The following KIAA1328 variants were observed in gnomAD, a reference collection of about 807,000 sequenced individuals.
KIAA1328 encodes the protein KIAA1328, also known as protein hinderin.
Under a neutral mutation model 68.1 loss-of-function variants are expected in KIAA1328, and 52 were observed. The ratio of observed to expected loss-of-function variants is 0.76; its 90% CI spans 0.61 to 0.96. KIAA1328 has a LOEUF of 0.96. Ranked by LOEUF, KIAA1328 falls within the 40% of genes least tolerant of loss-of-function variation. The pLI, the probability that KIAA1328 is intolerant of heterozygous loss-of-function variation, is 0.00. For synonymous variants in KIAA1328, 232 were observed against 239.4 expected (o/e 0.97, Z 0.28); for missense variants, 641 against 677.6 (o/e 0.95, Z 0.60).
intron 4 of KIAA1328, among the ~76,000 whole-genome samples, chr18:36,876,718 C>G (rs1225493228): frequency 2.6e-5 from 4 of 152,122 alleles, no homozygotes; most frequent in Non-Finnish European, 4.4e-5. Context: ...CTTCAGCTAG[C>G]TTTTGAATTT....
chr18:37,141,981 T>A (rs2058775486), intron 7 of KIAA1328, among the ~76,000 whole-genome samples: 1 of 152,234 alleles, frequency 6.6e-6, no homozygotes, highest in Non-Finnish European at 1.5e-5. Flanking sequence ...TGTGAATATT[T>A]TCTCCCAGTA....
At chr18:36,834,433 A>G (rs531766465) in intron 2 of KIAA1328, 78 bp downstream of exon 2, 15 of 1,260,820 alleles carry the variant, frequency 1.2e-5, no homozygotes, top group African/African-American at 7.6e-5. Context: ...TATTAGAACA[A>G]TGTTGCGGGT....
chr18:37,051,478 C>A (rs1261365774), intron 6 of KIAA1328, among the ~76,000 whole-genome samples: 1 of 151,950 alleles, frequency 6.6e-6, no homozygotes, highest in Non-Finnish European at 1.5e-5. Flanking sequence ...CCTGGAAACC[C>A]ACACCCTCCC....
At chr18:36,998,925 G>A (rs28794232) in intron 6 of KIAA1328, among the ~76,000 whole-genome samples, 29,149 of 152,160 alleles carry the variant, frequency 0.19, 3,557 homozygotes, top group Non-Finnish European at 0.28. Context: ...AGCAGTTGAT[G>A]TTAATCAAAA....
intron 5 of KIAA1328, among the ~76,000 whole-genome samples, chr18:36,949,496 G>T (rs2051052784): frequency 6.6e-6 from 1 of 151,624 alleles, no homozygotes; most frequent in South Asian, 2.1e-4. Flanking sequence ...TAAACCTTGG[G>T]TCTCCATTGT....
intron 9 of KIAA1328, among the ~76,000 whole-genome samples, chr18:37,211,038 T>C (rs1289455401): frequency 1.3e-5 from 2 of 152,250 alleles, no homozygotes; most frequent in Non-Finnish European, 2.9e-5. Flanking sequence ...GATAACAGCA[T>C]AATCATAAAG....
At chr18:37,100,399 A>G (rs1305735603) in intron 7 of KIAA1328, among the ~76,000 whole-genome samples, 4 of 152,202 alleles carry the variant, frequency 2.6e-5, no homozygotes, top group African/African-American at 4.8e-5. Flanking sequence ...GGAGGGTCCT[A>G]TGCCCACAGA....
At chr18:37,134,850 G>C (rs546485667) in intron 7 of KIAA1328, among the ~76,000 whole-genome samples, 51 of 152,184 alleles carry the variant, frequency 3.4e-4, no homozygotes, top group African/African-American at 1.2e-3. Flanking sequence ...CCCTTGCCCT[G>C]TCCCTCACTC....
intron 6 of KIAA1328, among the ~76,000 whole-genome samples, chr18:37,011,975 C>T (rs189903508): frequency 2.5e-4 from 38 of 151,960 alleles, no homozygotes; most frequent in Non-Finnish European, 5.2e-4. Context: ...AAAAAAAGGC[C>T]GCATTTTTAG....
chr18:37,185,499 A>T (rs2059778476), intron 9 of KIAA1328, among the ~76,000 whole-genome samples: 1 of 152,172 alleles, frequency 6.6e-6, no homozygotes, highest in African/African-American at 2.4e-5. Context: ...TGTAGGCTAC[A>T]TGCTTTGCCT....
intron 5 of KIAA1328, among the ~76,000 whole-genome samples, chr18:36,942,827 C>CG (rs1162469653): frequency 1.3e-5 from 2 of 152,120 alleles, no homozygotes; most frequent in Non-Finnish European, 2.9e-5. Context: ...ATTATTGTGA[C>CG]TCTTACTGCT....
intron 6 of KIAA1328, among the ~76,000 whole-genome samples, chr18:37,064,360 T>C (rs1312962962): frequency 6.6e-6 from 1 of 152,212 alleles, no homozygotes; most frequent in Non-Finnish European, 1.5e-5. Context: ...TTGATACTTT[T>C]TACCCATCAG....
chr18:37,174,502 C>T (rs1297831882), intron 9 of KIAA1328, among the ~76,000 whole-genome samples: 3 of 151,348 alleles, frequency 2.0e-5, no homozygotes, highest in Non-Finnish European at 2.9e-5. Context: ...TCTGCCTCAG[C>T]CTCCCAAGTA....
intron 5 of KIAA1328, among the ~76,000 whole-genome samples, chr18:36,941,308 A>G (rs1204186506): frequency 1.3e-5 from 2 of 152,084 alleles, no homozygotes; most frequent in Non-Finnish European, 2.9e-5. Flanking sequence ...TTAAAAGGAG[A>G]TAGAGGCCAG....
At chr18:36,970,531 A>G (rs1487030208) in intron 6 of KIAA1328, among the ~76,000 whole-genome samples, 1 of 152,164 alleles carries the variant, frequency 6.6e-6, no homozygotes, top group African/African-American at 2.4e-5. Flanking sequence ...TTTGCAGATG[A>G]TATGAGTGTA....
At chr18:37,125,793 A>G (rs917315315) in intron 7 of KIAA1328, among the ~76,000 whole-genome samples, 1 of 152,214 alleles carries the variant, frequency 6.6e-6, no homozygotes, top group African/African-American at 2.4e-5. Flanking sequence ...AGAATTTTAC[A>G]TCTGACCTCA....
chr18:37,196,080 T>C (rs1028877502), intron 9 of KIAA1328, among the ~76,000 whole-genome samples: 3 of 152,142 alleles, frequency 2.0e-5, no homozygotes, highest in African/African-American at 7.2e-5. Flanking sequence ...TCTTAGTTTC[T>C]TTTTCAGATT....
intron 6 of KIAA1328, among the ~76,000 whole-genome samples, chr18:37,003,490 G>GA (rs1225830665): frequency 3.9e-5 from 6 of 151,990 alleles, no homozygotes; most frequent in South Asian, 2.1e-4. Context: ...ATCTCCGCAG[G>GA]AAAAAAACTT....
At chr18:37,062,967 A>G (rs1396654693) in intron 6 of KIAA1328, among the ~76,000 whole-genome samples, 1 of 151,978 alleles carries the variant, frequency 6.6e-6, no homozygotes, top group Non-Finnish European at 1.5e-5. Context: ...GAGTATGGGC[A>G]CAACTTAGTT....
Sources: gnomAD v4.1 joint callset for allele counts (sites outside exome capture counted in the v4.1 genomes callset) on GRCh38, gnomAD v4.1.1 for gene constraint, MANE v1.5 for transcripts, NCBI Gene and HGNC (gene_info 2026-07-23, HGNC 2026-07-21) for gene names.